Variants in EMCN observed in about 807,000 individuals in gnomAD.
The protein encoded by EMCN is MUC-14.
EMCN carries 37 observed loss-of-function variants against 38.4 expected under a neutral mutation model. The ratio of observed to expected loss-of-function variants is 0.96; its 90% CI spans 0.74 to 1.27. The LOEUF (loss-of-function observed/expected upper bound fraction) is 1.27. EMCN is among the 50% of genes most tolerant of loss of function. The pLI, the probability that EMCN is intolerant of heterozygous loss-of-function variation, is 0.00. For synonymous variants in EMCN, 95 were observed against 100.8 expected, an observed-to-expected ratio of 0.94 and a Z score of 0.35; for missense variants, 318 against 302.8, an observed-to-expected ratio of 1.05 and a Z score of -0.37.
chr4:100,448,730 G>A (rs73833337), intron 4 of EMCN, among the ~76,000 whole-genome samples: 1,658 of 152,180 alleles, frequency 0.011, 32 homozygotes, highest in African/African-American at 0.037. Context: ...ACCCTGTTTC[G>A]TTGTACTCCA....
chr4:100,467,461 G>A (rs1295423134), intron 3 of EMCN, among the ~76,000 whole-genome samples: 2 of 151,788 alleles, frequency 1.3e-5, no homozygotes, highest in African/African-American at 2.4e-5. Context: ...GGCGGATCAC[G>A]AGGTCAGGAG....
At chr4:100,510,742 G>C (rs1208176121) in intron 1 of EMCN, among the ~76,000 whole-genome samples, 2 of 152,212 alleles carry the variant, frequency 1.3e-5, no homozygotes, top group Non-Finnish European at 2.9e-5. Context: ...CAGCTAGTAA[G>C]TGGCAGAGCT....
chr4:100,516,832 A>G (rs1393410357), intron 1 of EMCN, among the ~76,000 whole-genome samples: 1 of 152,094 alleles, frequency 6.6e-6, no homozygotes, highest in Non-Finnish European at 1.5e-5. Flanking sequence ...AATGAGCAAA[A>G]TAAAATTAGA....
intron 1 of EMCN, among the ~76,000 whole-genome samples, chr4:100,507,364 C>T (rs1167591598): frequency 6.6e-6 from 1 of 152,014 alleles, no homozygotes; most frequent in African/African-American, 2.4e-5. Flanking sequence ...TAAACTAGTA[C>T]AAGCAAAAAA....
At chr4:100,479,405 T>C (rs372754686) in intron 2 of EMCN, among the ~76,000 whole-genome samples, 1 of 152,160 alleles carries the variant, frequency 6.6e-6, no homozygotes, top group African/African-American at 2.4e-5. Flanking sequence ...TTTAACATTT[T>C]TGTGGATGGT....
chr4:100,421,368 A>G lies in EMCN; in HGVS notation c.578T>C (p.Leu193Ser), dbSNP rs759398897. Residue 193 changes from leucine to serine, a missense_variant, in exon 8 of 12, where the codon TTG (leucine) becomes TCG (serine). By Grantham distance (145) the Leu-to-Ser change is moderately radical. Transcript: ENST00000296420. ...ATSRSYSSII[L>S]PVVIALIVIT... is the part of the protein sequence containing the mutation. ...TACAATCAAAGCAATAACCACCGGC[A>G]AAATAATACCTAAAAAGAATTGGAG... The G allele has an allele frequency of 6.2e-7, 1 of 1,612,046 alleles. No individual in the cohort carries two copies. The highest frequency in any genetic ancestry group is 8.5e-7 in the Non-Finnish European group (1 of 1,178,500).
intron 4 of EMCN, among the ~76,000 whole-genome samples, chr4:100,451,574 A>C (rs1417952970): frequency 6.6e-6 from 1 of 151,988 alleles, no homozygotes; most frequent in Admixed American, 6.6e-5. Context: ...TGATGCACCT[A>C]ATTAGAAGCT....
chr4:100,462,621 T>C (rs995949203), intron 4 of EMCN, among the ~76,000 whole-genome samples: 3 of 152,138 alleles, frequency 2.0e-5, no homozygotes, highest in African/African-American at 7.2e-5. Context: ...ATATTATACG[T>C]AGATGAATTT....
At chr4:100,497,467 C>T (rs890963409) in intron 1 of EMCN, among the ~76,000 whole-genome samples, 1 of 152,018 alleles carries the variant, frequency 6.6e-6, no homozygotes, top group African/African-American at 2.4e-5. Context: ...AGCTCCGCCT[C>T]CCAGGTTCAT....
At chr4:100,476,021 A>G (rs1224904695) in intron 2 of EMCN, among the ~76,000 whole-genome samples, 1 of 152,032 alleles carries the variant, frequency 6.6e-6, no homozygotes, top group Admixed American at 6.6e-5. Context: ...CCTGGCATAC[A>G]CTAGGCATTT....
At chr4:100,441,455 C>A (rs149835630) in intron 5 of EMCN, among the ~76,000 whole-genome samples, 1 of 152,266 alleles carries the variant, frequency 6.6e-6, no homozygotes, top group Non-Finnish European at 1.5e-5. Flanking sequence ...TTTATTCATT[C>A]AACCATTCTA....
chr4:100,423,400 A>C lies in EMCN; in HGVS notation c.420T>G (p.Ser140Arg), dbSNP rs1270901438. 1 of 1,607,754 alleles carries C rather than the reference A, an allele frequency of 6.2e-7. No individual in the cohort carries two copies. The highest frequency in any genetic ancestry group is 1.7e-5 in the Admixed American group (1 of 59,870). The change falls in exon 6 of 12, where the codon AGT becomes AGG. Residue 140 changes from serine (S) to arginine (R), a missense_variant. Physicochemically the swap from Ser to Arg is moderately radical, Grantham distance 110. Transcript: ENST00000296420. ...AAGGTGATGCATCTGGTTGTAGAACACTACCTGTATGAAAATTACAAATGC... is the reference window on the plus strand; with the variant it reads ...AAGGTGATGCATCTGGTTGTAGAACCCTACCTGTATGAAAATTACAAATGC... ...SSIKTTEIPGSVLQPDASPSK... is the reference protein window; with the variant it reads ...SSIKTTEIPGRVLQPDASPSK...
At chr4:100,501,202 G>T (rs1228891944) in intron 1 of EMCN, among the ~76,000 whole-genome samples, 1 of 151,818 alleles carries the variant, frequency 6.6e-6, no homozygotes, top group Non-Finnish European at 1.5e-5. Context: ...TAAGTCAATG[G>T]TTCATCTGGA....
chr4:100,471,729 C>T (rs938149433), intron 3 of EMCN, among the ~76,000 whole-genome samples: 1 of 151,812 alleles, frequency 6.6e-6, no homozygotes, highest in Non-Finnish European at 1.5e-5. Context: ...AAGAATTATA[C>T]CCCATGACCA....
chr4:100,507,196 G>A (rs1729502441), intron 1 of EMCN, among the ~76,000 whole-genome samples: 1 of 152,096 alleles, frequency 6.6e-6, no homozygotes, highest in Admixed American at 6.6e-5. Context: ...AGAAGTGAAA[G>A]CAATTGATAT....
chr4:100,435,087 C>A (rs1727313014), intron 5 of EMCN, among the ~76,000 whole-genome samples: 1 of 152,152 alleles, frequency 6.6e-6, no homozygotes, highest in Non-Finnish European at 1.5e-5. Flanking sequence ...GTCATATTAT[C>A]TTTGTTTGCA....
chr4:100,400,932 A>C (rs1395086844), intron 11 of EMCN, among the ~76,000 whole-genome samples: 1 of 152,122 alleles, frequency 6.6e-6, no homozygotes, highest in Admixed American at 6.6e-5. Flanking sequence ...GTTGGCTTCA[A>C]TAATAATGGT....
In EMCN at chr4:100,408,096, T is replaced by C. The variant is rs75703583; in HGVS notation, c.*39+2186A>G. On this transcript the variant is annotated intron_variant, in intron 11 of 11. Coordinates refer to ENST00000296420, the MANE Select transcript of EMCN (RefSeq NM_016242.4). ...AGATCAGTTTTGTTCTTTCTTAAAA[T>C]GGCTATTTCATATTTCATTCCTTGT... Among the ~76,000 whole-genome samples the C allele has an allele frequency of 5.2e-3, 793 of 152,324 alleles. 11 individuals are homozygous for C. Among genetic ancestry groups the C allele is most frequent in the African/African-American group, 0.018 (754 of 41,576 alleles).
chr4:100,487,442 TA>T (rs1728969504), intron 1 of EMCN, among the ~76,000 whole-genome samples: 1 of 152,210 alleles, frequency 6.6e-6, no homozygotes, highest in Admixed American at 6.5e-5. Context: ...GGGCTCCACA[TA>T]GAGGAGGGGA....
Sources: allele counts gnomAD v4.1 joint callset (sites outside exome capture counted in the v4.1 genomes callset), GRCh38; gene constraint gnomAD v4.1.1; transcripts MANE v1.5; gene names NCBI Gene and HGNC (gene_info 2026-07-23, HGNC 2026-07-21).